PSD: variants seen among roughly 807,000 people sequenced by gnomAD.
The protein encoded by PSD is pleckstrin and Sec7 domain containing.
A neutral mutation model predicts 91.6 loss-of-function variants in PSD; 32 were observed. The ratio of observed to expected loss-of-function variants is 0.35; its 90% CI spans 0.26 to 0.47. The LOEUF (loss-of-function observed/expected upper bound fraction) is 0.47, where lower values mean the gene tolerates loss of function less well. Ranked by LOEUF, PSD falls within the 20% of genes least tolerant of loss-of-function variation. The pLI is 1.00. For missense variants in PSD, 1,099 were observed against 1,373.9 expected (o/e 0.80, Z 3.16); for synonymous variants, 532 against 569.3 (o/e 0.93, Z 0.93).
chr10:102,414,023 G>A lies in PSD; in HGVS notation c.1299C>T (p.Gly433=). Reference sequence around the variant, plus strand: ...AGGTGAAGAAGGGGCTCTGGGTTGGGCCAGGTGAGGCCAAGGCCTCCAGCG... The same window carrying A: ...AGGTGAAGAAGGGGCTCTGGGTTGGACCAGGTGAGGCCAAGGCCTCCAGCG... ...LASLEALASP[G]PTQSPFFTFE... is the part of the protein sequence containing the mutation. Residue 433 remains glycine, a synonymous_variant, in exon 5 of 17, where the codon GGC becomes GGT. Coordinates refer to ENST00000020673, the MANE Select transcript of PSD (RefSeq NM_002779.5). This position sits in a 1 kb window ranked among gnomAD's most constrained non-coding sequence, Gnocchi z 5.6. 1 of 1,614,018 alleles carries A rather than the reference G, an allele frequency of 6.2e-7. No homozygotes were observed. The highest frequency in any genetic ancestry group is 8.5e-7 in the Non-Finnish European group (1 of 1,179,866).
chr10:102,412,983 T>C (rs1420676372), intron 5 of PSD, among the ~76,000 whole-genome samples: 2 of 152,130 alleles, frequency 1.3e-5, no homozygotes, highest in Non-Finnish European at 2.9e-5. Flanking sequence ...CAGGGAAAGA[T>C]TTGAGGGCAG....
At chr10:102,415,359 C>T in intron 3 of PSD, 130 bp from the exon 4 acceptor site, 1 of 1,120,106 alleles carries the variant, frequency 8.9e-7, no homozygotes, top group Non-Finnish European at 1.2e-6. Context: ...CACCATTCCT[C>T]CTGCTACATA....
Position 102,407,256 on chromosome 10 carries a change from C to G in PSD, c.2102G>C (p.Ser701Thr), listed in dbSNP as rs761255186. 6.3e-7 allele frequency: 1 copy of G among 1,597,610 alleles called. No homozygotes were observed. The highest frequency in any genetic ancestry group is 1.1e-5 in the South Asian group (1 of 88,454). Reference protein sequence around the residue: ...FPRELLKALYSSIKNEKLQWA... With the variant: ...FPRELLKALYTSIKNEKLQWA... Reference sequence around the variant, plus strand: ...CTGCAGCTTCTCATTCTTGATGGAGCTGTACAAGGCCTGGGGGGTGGGGGG... The same window carrying G: ...CTGCAGCTTCTCATTCTTGATGGAGGTGTACAAGGCCTGGGGGGTGGGGGG... Residue 701 changes from serine (S) to threonine (T), a missense_variant, in exon 11 of 17, where the codon AGC becomes ACC. Coordinates refer to ENST00000020673, the MANE Select transcript of PSD (RefSeq NM_002779.5).
intron 11 of PSD, among the ~76,000 whole-genome samples, chr10:102,406,865 C>G (rs977173170): frequency 1.3e-4 from 20 of 152,172 alleles, no homozygotes; most frequent in Admixed American, 6.5e-5. Context: ...TTGTTTTGTT[C>G]TGTGACATCT....
At position 102,412,512 on chromosome 10, in the gene PSD, C is replaced by T. The variant is rs753192287; in HGVS notation, c.1617G>A (p.Leu539=). ...ACAAGGTGTCTGTGCTTCCCAGGGC[C>T]AGCCGCTCTGTGCTGTCCAGCTCTG... ...SDSELDSTER[L]ALGSTDTLSN... The change falls in exon 6 of 17, where the codon CTG becomes CTA. Residue 539 remains leucine, a synonymous_variant. Coordinates refer to ENST00000020673, the MANE Select transcript of PSD (RefSeq NM_002779.5). The T allele has an allele frequency of 6.2e-7, 1 of 1,614,084 alleles. No individual in the cohort carries two copies. The highest frequency in any genetic ancestry group is 1.1e-5 in the South Asian group (1 of 91,076).
In PSD at chr10:102,403,841, C is replaced by A; in HGVS notation, c.2844+1G>T. Reference sequence around the variant, plus strand: ...ACAGAGGGGCAGACAGGGAGGCTCACCTCAAACTCCAGGTAGGCCTCCTTC... The same window carrying A: ...ACAGAGGGGCAGACAGGGAGGCTCAACTCAAACTCCAGGTAGGCCTCCTTC... On this transcript the variant is annotated splice_donor_variant, in intron 16 of 16. Transcript: ENST00000020673. LOFTEE classifies it high-confidence loss of function. The surrounding 1 kb of genome is among the most constrained non-coding windows in gnomAD (Gnocchi z 6.7). 1 of 1,611,304 alleles carries A rather than the reference C, an allele frequency of 6.2e-7. No homozygotes were observed. The highest frequency in any genetic ancestry group is 8.5e-7 in the Non-Finnish European group (1 of 1,178,580).
chr10:102,417,247 A>G (rs1330501822), intron 1 of PSD, 126 bp from the exon 2 acceptor site: 3 of 547,868 alleles, frequency 5.5e-6, no homozygotes, highest in Non-Finnish European at 9.7e-6. Context: ...CCCTGGTAAT[A>G]TGGGATCATT....
chr10:102,416,867 G>C lies in PSD; in HGVS notation c.172C>G (p.Arg58Gly). Residue 58 changes from arginine to glycine, a missense_variant, in exon 2 of 17, where the codon CGG becomes GGG. Coordinates refer to ENST00000020673, the MANE Select transcript of PSD (RefSeq NM_002779.5). The surrounding 1 kb of genome is among the most constrained non-coding windows in gnomAD (Gnocchi z 6.0). ...GGTGCTGTCACACGTCCCAGTTCCC[G>C]GCCTCGAGGACCTGGACCTGCCACT... ...RRVAGPGPRG[R>G]ELGRVTAPCT... 6.2e-7 allele frequency: 1 copy of C among 1,600,472 alleles called. No homozygotes were observed. The highest frequency in any genetic ancestry group is 8.5e-7 in the Non-Finnish European group (1 of 1,174,170).
intron 3 of PSD, 124 bp from the exon 4 acceptor site, chr10:102,415,353 A>G: frequency 8.5e-7 from 1 of 1,169,764 alleles, no homozygotes; most frequent in East Asian, 2.6e-5. Flanking sequence ...TCTAGCCACC[A>G]TTCCTCCTGC....
rs113519963 is a variant in PSD, at chr10:102,416,661, G to A, written c.378C>T (p.Ser126=). ...GLPAPGGLSR[S]WDLGGVSPPR... Reference sequence around the variant, plus strand: ...GAGGAGAAACCCCACCCAGATCCCAGCTCCGACTCAAGCCCCCTGGAGCAG... The same window carrying A: ...GAGGAGAAACCCCACCCAGATCCCAACTCCGACTCAAGCCCCCTGGAGCAG... The change falls in exon 2 of 17, where the codon AGC becomes AGT. Residue 126 remains serine, a synonymous_variant. Coordinates refer to ENST00000020673, the MANE Select transcript of PSD (RefSeq NM_002779.5). The surrounding 1 kb of genome is among the most constrained non-coding windows in gnomAD (Gnocchi z 6.0). The A allele has an allele frequency of 6.2e-7, 1 of 1,610,252 alleles. No individual in the cohort carries two copies. The highest frequency in any genetic ancestry group is 1.1e-5 in the South Asian group (1 of 90,632).
At chr10:102,406,697 C>CGG (rs1011258463) in intron 11 of PSD, among the ~76,000 whole-genome samples, 11 of 152,100 alleles carry the variant, frequency 7.2e-5, no homozygotes, top group East Asian at 3.9e-4. Flanking sequence ...TTAGTGGAGA[C>CGG]GGTTTCACCG....
rs1304457003 is a variant in PSD at position 102,404,685 on chromosome 10, T to A, written c.2598A>T (p.Val866=). Residue 866 remains valine, a synonymous_variant, in exon 15 of 17, where the codon GTA becomes GTT. Coordinates refer to ENST00000020673, the MANE Select transcript of PSD (RefSeq NM_002779.5). This position sits in a 1 kb window ranked among gnomAD's most constrained non-coding sequence, Gnocchi z 5.7. ...GGGGCGCAGAGAACATAGCGGCTAC[T>A]ACATTGATGCGAGTGATCCAGGACT... is the stretch of plus-strand genomic sequence containing the variant. ...QMQSWITRIN[V]VAAMFSAPPF... is the part of the protein sequence containing the mutation. The A allele has an allele frequency of 1.2e-6, 2 of 1,605,146 alleles. No homozygotes were observed.
rs754219175 is a variant in PSD at position 102,410,680 on chromosome 10, C to A, written c.2091+178G>T. ...TGTGCGCATGTTCCGGGAGAGCCTG[C>A]GCGTGGGGCCTGGGGAGGGGGCGGT... On this transcript the variant is annotated intron_variant, in intron 10 of 16. Transcript: ENST00000020673. The surrounding 1 kb of genome is among the most constrained non-coding windows in gnomAD (Gnocchi z 6.0). Among the ~76,000 whole-genome samples the A allele has an allele frequency of 6.6e-6, 1 of 152,216 alleles. No individual in the cohort carries two copies. Among genetic ancestry groups the A allele is most frequent in the Admixed American group, 6.5e-5 (1 of 15,292 alleles).
Position 102,405,052 on chromosome 10 carries a change from C to T in PSD, c.2401G>A (p.Glu801Lys), listed in dbSNP as rs766074316. ...GAAAGGGCCTTCCCAGGCTTGTACTCCTCCTGCAGGGGTGTCCATCTTGTC... is the reference window on the plus strand; with the variant it reads ...GAAAGGGCCTTCCCAGGCTTGTACTTCTCCTGCAGGGGTGTCCATCTTGTC... ...KGMILYLQKE[E>K]YKPGKALSET... is the part of the protein sequence containing the mutation. The change falls in exon 14 of 17, where the codon GAG (glutamate) becomes AAG (lysine). Residue 801 changes from glutamate (E) to lysine (K), a missense_variant. Physicochemically the swap from Glu to Lys is moderately conservative, Grantham distance 56 (BLOSUM62 1). Transcript: ENST00000020673. The surrounding 1 kb of genome is among the most constrained non-coding windows in gnomAD (Gnocchi z 5.4). 2.9e-5 allele frequency: 47 copies of T among 1,613,770 alleles called. No individual in the cohort carries two copies. The highest frequency in any genetic ancestry group is 3.6e-5 in the Non-Finnish European group (43 of 1,179,890).
In PSD at chr10:102,413,779, G is replaced by T. The variant is rs2061446954; in HGVS notation, c.1543C>A (p.Pro515Thr). ...SEDSLGLGAA[P>T]LGSEPPLSQL... is the part of the protein sequence containing the mutation. ...AAAGGAATTACTTACCTGCCAAGGG[G>T]TGCTGCCCCCAGCCCAAGGCTGTCC... is the stretch of plus-strand genomic sequence containing the variant. Residue 515 changes from proline (P) to threonine (T), a missense_variant, in exon 5 of 17, where the codon CCC becomes ACC. By Grantham distance (38) the Pro-to-Thr change is conservative. Transcript: ENST00000020673. The T allele has an allele frequency of 6.2e-7, 1 of 1,610,472 alleles. No homozygotes were observed. Among genetic ancestry groups the T allele is most frequent in the East Asian group, 2.2e-5 (1 of 44,800 alleles).
At chr10:102,408,643 G>T (rs1004302436) in intron 10 of PSD, among the ~76,000 whole-genome samples, 1 of 152,134 alleles carries the variant, frequency 6.6e-6, no homozygotes, top group East Asian at 1.9e-4. Context: ...CACCTCATTC[G>T]AGGGCCCTGA....
chr10:102,416,817 G>A lies in PSD; in HGVS notation c.222C>T (p.Pro74=). The stretch of plus-strand genomic sequence containing the variant: ...AGGGTGAGGGAGCAACACGGGGTGA[G>A]GGGGGGCCACGCAGAGGTGTACAGG... ...TAPCTPLRGP[P]SPRVAPSPWA... Residue 74 remains proline (P), a synonymous_variant, in exon 2 of 17, where the codon CCC becomes CCT. Coordinates refer to ENST00000020673, the MANE Select transcript of PSD (RefSeq NM_002779.5). This position sits in a 1 kb window ranked among gnomAD's most constrained non-coding sequence, Gnocchi z 6.0. The A allele has an allele frequency of 6.3e-7, 1 of 1,595,740 alleles. No homozygotes were observed. The highest frequency in any genetic ancestry group is 1.1e-5 in the South Asian group (1 of 88,326).
At chr10:102,419,719 T>C (rs2061534865), upstream of PSD, 1 of 162,958 alleles carries the variant, frequency 6.1e-6, no homozygotes, top group African/African-American at 2.4e-5. This position sits in a 1 kb window ranked among gnomAD's most constrained non-coding sequence, Gnocchi z 4.8. Context: ...TTTGTCGCAC[T>C]GCGCAGGCGC....
chr10:102,418,890 CG>C, upstream of PSD: 2 of 359,464 alleles, frequency 5.6e-6, no homozygotes, highest in Non-Finnish European at 1.1e-5. Flanking sequence ...CCCAGAGCCC[CG>C]GAGGCTGCCA....
Sources: allele counts gnomAD v4.1 joint callset (sites outside exome capture counted in the v4.1 genomes callset), GRCh38; gene constraint gnomAD v4.1.1; non-coding constraint Gnocchi (gnomAD v3.1); transcripts MANE v1.5; gene names NCBI Gene and HGNC (gene_info 2026-07-23, HGNC 2026-07-21).